The following ETV7 variants were observed in gnomAD, a reference collection of about 807,000 sequenced individuals.
ETV7 encodes the protein ETS variant transcription factor 7.
ETV7 carries 43 observed loss-of-function variants against 39.1 expected under a neutral mutation model. The ratio of observed to expected loss-of-function variants is 1.10; its 90% confidence interval spans 0.86 to 1.42. The LOEUF (loss-of-function observed/expected upper bound fraction) is 1.42, where lower values mean the gene tolerates loss of function less well. Among genes scored for constraint, ETV7 ranks in the 40% most tolerant of loss-of-function variants. The pLI is 0.00. For missense variants in ETV7, 432 were observed against 442.3 expected, an observed-to-expected ratio of 0.98 and a Z score of 0.21; for synonymous variants, 196 against 176.6, an observed-to-expected ratio of 1.11 and a Z score of -0.87.
At chr6:36,362,569 G>T (rs1355980567), downstream of ETV7, among the ~76,000 whole-genome samples, 1 of 152,162 alleles carries the variant, frequency 6.6e-6, no homozygotes, top group Non-Finnish European at 1.5e-5. Flanking sequence ...GCCTCACCTG[G>T]TGCCCGGTAC....
At chr6:36,376,139 A>G (rs1773331761) in intron 2 of ETV7, 104 bp from the exon 3 acceptor site, 1 of 1,033,360 alleles carries the variant, frequency 9.7e-7, no homozygotes, top group East Asian at 2.6e-5. Flanking sequence ...CCTGGCCCCC[A>G]ACCCCCATCA....
chr6:36,365,459 G>C (rs1772678400), downstream of ETV7, among the ~76,000 whole-genome samples: 1 of 152,180 alleles, frequency 6.6e-6, no homozygotes, highest in African/African-American at 2.4e-5. Flanking sequence ...TCAGGAGAAG[G>C]AGCCCCATTT....
intron 2 of ETV7, among the ~76,000 whole-genome samples, chr6:36,384,537 T>C (rs1464782201): frequency 2.6e-5 from 4 of 152,030 alleles, no homozygotes; most frequent in African/African-American, 9.7e-5. Context: ...CAGAGGAGAG[T>C]TGTGGGTCTT....
In ETV7 at chr6:36,373,533, C is replaced by T. The variant is rs1305707106; in HGVS notation, c.353G>A (p.Arg118Gln). ...AAAAAAGGGCCCACACACCAGGGCT[C>T]GCCGCTGGGTCTTGATGTACTGGAG... ...ELLQYIKTQR[R>Q]ALVCGPFFGG... Residue 118 changes from arginine (R) to glutamine (Q), a missense_variant, in exon 4 of 8, where the codon CGA becomes CAA. Arg to Gln is a conservative substitution (Grantham distance 43, BLOSUM62 1). Coordinates refer to ENST00000340181, the MANE Select transcript of ETV7 (RefSeq NM_016135.4). The T allele has an allele frequency of 1.3e-6, 2 of 1,514,802 alleles. No individual in the cohort carries two copies. The highest frequency in any genetic ancestry group is 2.8e-5 in the African/African-American group (2 of 71,020). The allele number at this position is 1,514,802 out of a possible 1,614,324, so 93.8% of individuals were successfully genotyped here. A position where few individuals can be genotyped will look rare whatever the true frequency, so the allele number is the denominator to read the frequency against.
Position 36,366,215 on chromosome 6 carries a change from G to A in ETV7, c.*430C>T, listed in dbSNP as rs1772707535. ...AACATCAGCTACCATTGTTTTTATT[G>A]TTACTGAGGCTGTCAGTGCCGCCTG... On this transcript the variant is annotated 3_prime_UTR_variant, in exon 8 of 8. Coordinates refer to ENST00000340181, the MANE Select transcript of ETV7 (RefSeq NM_016135.4). 9.9e-7 allele frequency: 1 copy of A among 1,013,394 alleles called. No individual in the cohort carries two copies. Among genetic ancestry groups the A allele is most frequent in the Non-Finnish European group, 1.2e-6 (1 of 846,290 alleles). 62.8% of individuals were successfully genotyped at this position (1,013,394 alleles called of 1,614,324 possible).
chr6:36,387,044 T>G, intron 1 of ETV7: 1 of 191,088 alleles, frequency 5.2e-6, no homozygotes, highest in Non-Finnish European at 1.1e-5. Flanking sequence ...GGTCTGATAA[T>G]GGGTATGGGT....
At chr6:36,369,218 C>T in intron 5 of ETV7, 147 bp from the exon 6 acceptor site, 2 of 833,812 alleles carry the variant, frequency 2.4e-6, no homozygotes, top group South Asian at 3.4e-5. Context: ...CAGAAACAGC[C>T]ACTAATGGGG....
At position 36,386,651 on chromosome 6, in the gene ETV7, T is replaced by G. The variant is rs1026024009; in HGVS notation, c.6+885A>C. 1.3e-5 allele frequency among the ~76,000 whole-genome samples: 2 copies of G among 152,348 alleles called. 1 individual carries two copies. The highest frequency in any genetic ancestry group is 4.1e-4 in the South Asian group (2 of 4,828). On this transcript the variant is annotated intron_variant, in intron 1 of 7. Transcript: ENST00000340181. ...ATCTCTTGGGATCCGAGGAGAGATA[T>G]CTGCCGAGAGAGAATTTGGATCGGA...
At chr6:36,381,539 CAG>C (rs974607675) in intron 2 of ETV7, among the ~76,000 whole-genome samples, 27 of 152,306 alleles carry the variant, frequency 1.8e-4, no homozygotes, top group African/African-American at 6.5e-4. Flanking sequence ...AGCCTGAAAA[CAG>C]AGAGACTAGC....
Position 36,375,994 on chromosome 6 carries a change from A to G in ETV7, c.184T>C (p.Trp62Arg), listed in dbSNP as rs1197000319. The stretch of plus-strand genomic sequence containing the variant: ...TACTCCTGCTCTGCCCAGCGCAGCC[A>G]GTGCAGCACGTCCTCCCTGCTCCAC... ...ALWSREDVLH[W>R]LRWAEQEYSL... The change falls in exon 3 of 8, where the codon TGG becomes CGG. Residue 62 changes from tryptophan to arginine, a missense_variant. Transcript: ENST00000340181. The G allele has an allele frequency of 1.2e-6, 2 of 1,610,568 alleles. No homozygotes were observed. The highest frequency in any genetic ancestry group is 1.7e-6 in the Non-Finnish European group (2 of 1,179,942).
intron 7 of ETV7, among the ~76,000 whole-genome samples, chr6:36,356,954 C>T (rs762544523): frequency 6.6e-6 from 1 of 152,212 alleles, no homozygotes; most frequent in Non-Finnish European, 1.5e-5. Context: ...CATCAAAGTT[C>T]TATGCCATAA....
intron 2 of ETV7, among the ~76,000 whole-genome samples, chr6:36,378,560 C>G (rs370017000): frequency 6.7e-6 from 1 of 149,402 alleles, no homozygotes; most frequent in Admixed American, 6.7e-5. Flanking sequence ...ATTTGCAATG[C>G]AGATGACAGA....
intron 3 of ETV7, among the ~76,000 whole-genome samples, chr6:36,374,789 G>T (rs1773227126): frequency 6.6e-6 from 1 of 152,178 alleles, no homozygotes; most frequent in Non-Finnish European, 1.5e-5. Flanking sequence ...TGGGATGTCA[G>T]CTGGGAGCAG....
chr6:36,375,725 G>A, intron 3 of ETV7, 146 bp downstream of exon 3: 3 of 1,305,078 alleles, frequency 2.3e-6, no homozygotes, highest in Non-Finnish European at 3.2e-6. Context: ...ACACACGTAT[G>A]CAGAGGGGCA....
intron 4 of ETV7, among the ~76,000 whole-genome samples, chr6:36,372,097 A>T (rs1477434634): frequency 6.6e-6 from 1 of 152,256 alleles, no homozygotes; most frequent in African/African-American, 2.4e-5. Context: ...AATCTGGGAA[A>T]GGAGCAGGGG....
intron 4 of ETV7, among the ~76,000 whole-genome samples, chr6:36,371,916 G>A (rs976092061): frequency 6.6e-6 from 1 of 152,198 alleles, no homozygotes; most frequent in Non-Finnish European, 1.5e-5. Context: ...TATGAACCAG[G>A]CATTGTTCTA....
chr6:36,371,622 C>T (rs1773031030), intron 4 of ETV7, 62 bp from the exon 5 acceptor site: 2 of 1,394,126 alleles, frequency 1.4e-6, no homozygotes, highest in Non-Finnish European at 2.0e-6. Flanking sequence ...CAACTCAATC[C>T]CTCAATGGTG....
rs376902455 is a variant in ETV7, at chr6:36,366,780, A to G, written c.909-18T>C. The G allele has an allele frequency of 4.2e-5, 67 of 1,613,826 alleles. No homozygotes were observed. The highest frequency in any genetic ancestry group is 3.3e-5 in the Admixed American group (2 of 59,990). On this transcript the variant is annotated intron_variant, in intron 7 of 7. Coordinates refer to ENST00000340181, the MANE Select transcript of ETV7 (RefSeq NM_016135.4). ...TTAGAAATCTAGAATTCAGGCCCCA[A>G]CTGCAAATCAGCTCCTGCCCCAGCT...
chr6:36,360,839 G>A (rs1448981817), intron 7 of ETV7, among the ~76,000 whole-genome samples: 1 of 152,164 alleles, frequency 6.6e-6, no homozygotes, highest in Non-Finnish European at 1.5e-5. Context: ...GTTGGAAAAA[G>A]AGAGCAGAAG....
Sources: gnomAD v4.1 joint callset for allele counts (sites outside exome capture counted in the v4.1 genomes callset) on GRCh38, gnomAD v4.1.1 for gene constraint, MANE v1.5 for transcripts, NCBI Gene and HGNC (gene_info 2026-07-23, HGNC 2026-07-21) for gene names.